Variants in RHPN2 observed in about 807,000 individuals in gnomAD.
RHPN2 encodes the protein rhophilin Rho GTPase binding protein 2, also known as rhophilin-2.
Under a neutral mutation model 79.0 loss-of-function variants are expected in RHPN2, and 40 were observed. That is an observed-to-expected ratio of 0.51 (90% confidence interval 0.39 to 0.66). RHPN2 has a LOEUF of 0.66. RHPN2 is among the 30% of genes least tolerant of loss of function. The pLI is 0.00. For missense variants in RHPN2, 686 were observed against 883.5 expected (o/e 0.78, Z 2.83); for synonymous variants, 285 against 363.5 (o/e 0.78, Z 2.46).
intron 1 of RHPN2, chr19:33,051,762 TA>T (rs1443722710): frequency 5.7e-6 from 1 of 173,970 alleles, no homozygotes; most frequent in African/African-American, 2.4e-5. Context: ...GGCTCACGTG[TA>T]TAATCATGGC....
intron 14 of RHPN2, among the ~76,000 whole-genome samples, chr19:32,982,992 G>A (rs557636442): frequency 1.3e-5 from 2 of 149,574 alleles, no homozygotes; most frequent in Non-Finnish European, 3.0e-5. Flanking sequence ...CCAAGACCAA[G>A]CCCTTCTGTG....
Position 32,988,750 on chromosome 19 carries a change from G to A in RHPN2, c.1800+1764C>T, listed in dbSNP as rs960976331. On this transcript the variant is annotated intron_variant, in intron 14 of 14. Transcript: ENST00000254260. ...TTTCTTGTCCCTCTGCAACTGGCTCGAACCTCCTGGTCACTCTCATGTCTG... is the reference window on the plus strand; with the variant it reads ...TTTCTTGTCCCTCTGCAACTGGCTCAAACCTCCTGGTCACTCTCATGTCTG... 2.2e-4 allele frequency among the ~76,000 whole-genome samples: 33 copies of A among 152,230 alleles called. 1 individual carries two copies. The highest frequency in any genetic ancestry group is 1.1e-3 in the Admixed American group (17 of 15,262).
chr19:33,021,701 C>G, intron 3 of RHPN2, 55 bp from the exon 4 acceptor site: 5 of 1,402,558 alleles, frequency 3.6e-6, no homozygotes, highest in Non-Finnish European at 5.0e-6. Context: ...CCCCTGTGCA[C>G]CCCACGGCCT....
intron 1 of RHPN2, among the ~76,000 whole-genome samples, chr19:33,062,226 C>T (rs1294797638): frequency 3.9e-5 from 6 of 151,950 alleles, no homozygotes; most frequent in African/African-American, 1.2e-4. Flanking sequence ...TTTAGGAGGC[C>T]GAGGTGGGTG....
At chr19:33,048,717 C>T (rs1972162126) in intron 1 of RHPN2, among the ~76,000 whole-genome samples, 1 of 59,856 alleles carries the variant, frequency 1.7e-5, no homozygotes, top group Non-Finnish European at 2.6e-5. Context: ...CACAGCGAGA[C>T]TCAGTCTCAA....
At chr19:33,037,705 A>G (rs1972069742) in intron 2 of RHPN2, among the ~76,000 whole-genome samples, 1 of 152,196 alleles carries the variant, frequency 6.6e-6, no homozygotes, top group African/African-American at 2.4e-5. Context: ...CAGCGAGACC[A>G]CAAACCCACC....
chr19:33,051,983 C>T (rs1396391899), intron 1 of RHPN2, among the ~76,000 whole-genome samples: 12 of 141,354 alleles, frequency 8.5e-5, no homozygotes, highest in Non-Finnish European at 3.0e-5. Flanking sequence ...AGAGTGAGAC[C>T]CTGTCTCAAA....
intron 7 of RHPN2, among the ~76,000 whole-genome samples, chr19:33,003,357 CAAAAAAAAAAAAAAA>C (rs56166279): frequency 1.5e-5 from 1 of 66,616 alleles, no homozygotes; most frequent in Non-Finnish European, 2.6e-5. Context: ...GACTCTGTCT[CAAAAAAAAAAAAAAA>C]AAAAAAAAAA....
At chr19:33,064,755 T>TGCCCCCCC in intron 1 of RHPN2, 29 bp downstream of exon 1, 4 of 1,427,944 alleles carry the variant, frequency 2.8e-6, no homozygotes, top group Non-Finnish European at 3.8e-6. Flanking sequence ...AGCCCGCAGG[T>TGCCCCCCC]CCCCGCCCGC....
rs545246996 is a variant in RHPN2 at position 33,043,460 on chromosome 19, G to A, written c.185+789C>T. 1.6e-3 allele frequency among the ~76,000 whole-genome samples: 245 copies of A among 152,190 alleles called. 6 individuals carry two copies. Among genetic ancestry groups the A allele is most frequent in the Admixed American group, 0.015 (222 of 15,274 alleles). On this transcript the variant is annotated intron_variant, in intron 2 of 14. Transcript: ENST00000254260. ...CCAGCTACTGGGGAGGCTGAGGCAGGAGAATCACTTGAACCCAGGAGACAC... is the reference window on the plus strand; with the variant it reads ...CCAGCTACTGGGGAGGCTGAGGCAGAAGAATCACTTGAACCCAGGAGACAC...
chr19:33,003,639 T>C (rs574048450), intron 7 of RHPN2, among the ~76,000 whole-genome samples: 1 of 152,212 alleles, frequency 6.6e-6, no homozygotes, highest in African/African-American at 2.4e-5. Context: ...ACAGAATATT[T>C]TTCAGCCTTA....
In RHPN2 at chr19:32,993,906, A is replaced by G. The variant is rs1284736868; in HGVS notation, c.1497+71T>C. On this transcript the variant is annotated intron_variant, in intron 12 of 14. Transcript: ENST00000254260. ...TTTGTTATAGCAGCCCACATGGACTAAGACACCATACTCGCCAAAGTGAAG... is the reference window on the plus strand; with the variant it reads ...TTTGTTATAGCAGCCCACATGGACTGAGACACCATACTCGCCAAAGTGAAG... The G allele has an allele frequency of 3.5e-6, 4 of 1,128,874 alleles. No individual in the cohort carries two copies. In the East Asian group the frequency reaches 9.5e-5, roughly 27 times the overall value. The allele number at this position is 1,128,874 out of a possible 1,614,324, so 69.9% of individuals were successfully genotyped here. A position where few individuals can be genotyped will look rare whatever the true frequency, so the allele number is the denominator to read the frequency against.
intron 4 of RHPN2, among the ~76,000 whole-genome samples, chr19:33,018,295 C>T (rs1372875834): frequency 5.3e-5 from 8 of 152,160 alleles, no homozygotes; most frequent in Non-Finnish European, 1.0e-4. Context: ...CACCATTGCA[C>T]TCCAGCCTGG....
At chr19:33,053,659 T>C (rs1291983043) in intron 1 of RHPN2, among the ~76,000 whole-genome samples, 1 of 152,038 alleles carries the variant, frequency 6.6e-6, no homozygotes, top group Non-Finnish European at 1.5e-5. Flanking sequence ...CCTGACCTCG[T>C]GATCCACCTG....
chr19:33,010,301 C>T (rs1971825262), intron 6 of RHPN2, among the ~76,000 whole-genome samples: 1 of 151,986 alleles, frequency 6.6e-6, no homozygotes, highest in Non-Finnish European at 1.5e-5. Context: ...CCCTGATCTT[C>T]TAGGATGTGT....
intron 4 of RHPN2, among the ~76,000 whole-genome samples, chr19:33,020,375 G>T (rs1274950466): frequency 6.7e-6 from 1 of 148,396 alleles, no homozygotes; most frequent in Non-Finnish European, 1.5e-5. Context: ...GCCCAGGCTG[G>T]AGTGCAGTGG....
chr19:33,029,152 T>A (rs1293268704), intron 2 of RHPN2, among the ~76,000 whole-genome samples: 1 of 145,800 alleles, frequency 6.9e-6, no homozygotes, highest in Admixed American at 6.9e-5. Context: ...AAAAAAAAAA[T>A]TAAAAATAAA....
chr19:33,057,344 A>G (rs1354721172), intron 1 of RHPN2, among the ~76,000 whole-genome samples: 1 of 151,998 alleles, frequency 6.6e-6, no homozygotes, highest in Non-Finnish European at 1.5e-5. Flanking sequence ...CCCTGTCAAA[A>G]AAGAAAGAAA....
At chr19:32,984,644 G>A (rs1486196995) in intron 14 of RHPN2, among the ~76,000 whole-genome samples, 2 of 151,862 alleles carry the variant, frequency 1.3e-5, no homozygotes, top group African/African-American at 4.8e-5. Flanking sequence ...GATGACAAGA[G>A]CAAGACTCTG....
Sources: allele counts gnomAD v4.1 joint callset (sites outside exome capture counted in the v4.1 genomes callset), GRCh38; gene constraint gnomAD v4.1.1; transcripts MANE v1.5; gene names NCBI Gene and HGNC (gene_info 2026-07-23, HGNC 2026-07-21).